The following SVIL variants were observed in gnomAD, a reference collection of about 807,000 sequenced individuals.
SVIL encodes the protein archvillin.
A neutral mutation model predicts 240.4 loss-of-function variants in SVIL; 101 were observed. That is an observed-to-expected ratio of 0.42 (90% CI 0.36 to 0.50). The LOEUF is 0.50. SVIL is among the 20% of genes least tolerant of loss of function. The probability of loss-of-function intolerance (pLI) is 0.01; values close to 1 mark genes in which losing one functional copy is unlikely to be tolerated. For synonymous variants in SVIL, 999 were observed against 1,100.0 expected, an observed-to-expected ratio of 0.91 and a Z score of 1.82; for missense variants, 2,512 against 2,818.7, an observed-to-expected ratio of 0.89 and a Z score of 2.46.
intron 28 of SVIL, among the ~76,000 whole-genome samples, chr10:29,481,136 G>A (rs1946791132): frequency 7.2e-6 from 1 of 139,382 alleles, no homozygotes; most frequent in African/African-American, 2.6e-5. Context: ...CTTTAAGGGT[G>A]TGTGTGTGTG....
intron 10 of SVIL, among the ~76,000 whole-genome samples, 196 bp downstream of exon 10, chr10:29,531,058 C>T (rs1317579308): frequency 6.6e-6 from 1 of 152,214 alleles, no homozygotes; most frequent in Non-Finnish European, 1.5e-5. Flanking sequence ...GATTCTCTAA[C>T]TGCTCTCAAA....
chr10:29,501,312 T>G (rs1948874533), intron 17 of SVIL, among the ~76,000 whole-genome samples: 1 of 151,266 alleles, frequency 6.6e-6, no homozygotes, highest in African/African-American at 2.4e-5. Context: ...CACCATATTG[T>G]GGTTATGCGA....
At chr10:29,504,053 A>G (rs1949092374) in intron 17 of SVIL, among the ~76,000 whole-genome samples, 1 of 152,242 alleles carries the variant, frequency 6.6e-6, no homozygotes, top group Non-Finnish European at 1.5e-5. Flanking sequence ...AAATTTAGTC[A>G]ACGGATCTTT....
intron 1 of SVIL, among the ~76,000 whole-genome samples, chr10:29,728,317 G>C (rs561927641): frequency 6.6e-6 from 1 of 152,172 alleles, no homozygotes; most frequent in Non-Finnish European, 1.5e-5. Flanking sequence ...GTACTGCCAC[G>C]GGCAAGGAAA....
intron 3 of SVIL, among the ~76,000 whole-genome samples, chr10:29,651,278 A>G (rs1333648891): frequency 1.3e-5 from 2 of 152,172 alleles, no homozygotes; most frequent in Non-Finnish European, 2.9e-5. Context: ...GTAAAGATCC[A>G]AGAGCAATTT....
At position 29,677,188 on chromosome 10, in the gene SVIL, C is replaced by T. The variant is rs568493819; in HGVS notation, c.-301+9365G>A. Among the ~76,000 whole-genome samples the T allele has an allele frequency of 2.6e-5, 4 of 152,268 alleles. No individual in the cohort carries two copies. The East Asian group carries it at 7.7e-4, about 29-fold the overall frequency. ...CTCCCCCTTCCCTTTTTGCCTTCAG[C>T]TCAGCAGACACCCTTTGCTGGGAAC... is the stretch of plus-strand genomic sequence containing the variant. On this transcript the variant is annotated intron_variant, in intron 2 of 35. Coordinates refer to the SVIL transcript ENST00000375400.
intron 6 of SVIL, among the ~76,000 whole-genome samples, chr10:29,541,974 T>A (rs1952199980): frequency 6.6e-6 from 1 of 152,176 alleles, no homozygotes; most frequent in African/African-American, 2.4e-5. Context: ...CAAGTGCTGC[T>A]CACAGTGCGT....
chr10:29,544,927 T>C, intron 6 of SVIL: 1 of 518,228 alleles, frequency 1.9e-6, no homozygotes, highest in Non-Finnish European at 3.9e-6. Flanking sequence ...GTGAAGCCAA[T>C]TCCATTCCAG....
At chr10:29,641,980 C>T (rs1958500073) in intron 3 of SVIL, among the ~76,000 whole-genome samples, 2 of 152,216 alleles carry the variant, frequency 1.3e-5, no homozygotes, top group South Asian at 4.1e-4. Flanking sequence ...AACCTCCTAT[C>T]CTCCCTCCCA....
intron 1 of SVIL, among the ~76,000 whole-genome samples, chr10:29,596,225 C>G (rs1288833546): frequency 6.6e-6 from 1 of 152,184 alleles, no homozygotes; most frequent in South Asian, 2.1e-4. Flanking sequence ...ATTCCCAGCC[C>G]TTTGGGAGGC....
At chr10:29,478,943 AAAAAAAAGAAC>A (rs1946519703) in intron 29 of SVIL, among the ~76,000 whole-genome samples, 2 of 150,690 alleles carry the variant, frequency 1.3e-5, no homozygotes, top group Non-Finnish European at 3.0e-5. Context: ...AAAAAAAAAA[AAAAAAAAGAAC>A]AAAAAGAGAG....
At chr10:29,660,984 T>A (rs1318428973) in intron 2 of SVIL, among the ~76,000 whole-genome samples, 3 of 151,984 alleles carry the variant, frequency 2.0e-5, no homozygotes, top group Non-Finnish European at 4.4e-5. Context: ...CTGGCCAACA[T>A]GGTGAAACCC....
At chr10:29,465,063 C>G (rs1944735092) in intron 34 of SVIL, among the ~76,000 whole-genome samples, 1 of 152,200 alleles carries the variant, frequency 6.6e-6, no homozygotes, top group South Asian at 2.1e-4. Flanking sequence ...CCCCAGGCTC[C>G]CTTGCAGCTG....
intron 1 of SVIL, among the ~76,000 whole-genome samples, chr10:29,614,294 A>C (rs1815370): frequency 6.6e-6 from 1 of 151,982 alleles, no homozygotes; most frequent in Non-Finnish European, 1.5e-5. Flanking sequence ...CATTTGACCC[A>C]GCAATCCCAT....
Position 29,513,538 on chromosome 10 carries a change from A to AAAAC in SVIL, c.3390-681_3390-678dup, listed in dbSNP as rs199741082. 4.6e-5 allele frequency among the ~76,000 whole-genome samples: 7 copies of AAAAC among 152,298 alleles called. No individual in the cohort carries two copies. In the South Asian group the frequency reaches 6.2e-4, roughly 14 times the overall value. ...GTGACACAGTGAGACTCTGTCTCAAAAAACAAACAAACAAACAAAAACATA... is the reference window on the plus strand; with the variant it reads ...GTGACACAGTGAGACTCTGTCTCAAAAAACAAACAAACAAACAAACAAAAACATA... On this transcript the variant is annotated intron_variant, in intron 16 of 37. Transcript: ENST00000355867.
chr10:29,618,211 TC>T (rs764911943), intron 1 of SVIL, among the ~76,000 whole-genome samples: 1 of 152,186 alleles, frequency 6.6e-6, no homozygotes, highest in Non-Finnish European at 1.5e-5. Context: ...GCGCCAAAAA[TC>T]CAACAGCTGC....
intron 2 of SVIL, among the ~76,000 whole-genome samples, chr10:29,659,273 T>C (rs138611738): frequency 1.1e-4 from 16 of 152,298 alleles, no homozygotes; most frequent in African/African-American, 3.8e-4. Flanking sequence ...AAGCCCCTCG[T>C]TTATCAGCTG....
intron 6 of SVIL, among the ~76,000 whole-genome samples, chr10:29,550,243 C>T (rs4749453): frequency 0.3 from 44,975 of 150,484 alleles, 7,006 homozygotes; most frequent in African/African-American, 0.39. Flanking sequence ...TTGTGATCAG[C>T]CTGGGCAATG....
Position 29,640,474 on chromosome 10 carries a change from C to A in SVIL, c.-201+17495G>T, listed in dbSNP as rs1159682404. Among the ~76,000 whole-genome samples the A allele has an allele frequency of 4.6e-5, 7 of 152,178 alleles. No individual in the cohort carries two copies. The East Asian group carries it at 1.3e-3, about 29-fold the overall frequency. On this transcript the variant is annotated intron_variant, in intron 3 of 35. Transcript: ENST00000375400. ...TCATCCTACCTTCTCCCAGAGTGAGCTCCGTCTGCCACACCTAAAGCAGAA... is the reference window on the plus strand; with the variant it reads ...TCATCCTACCTTCTCCCAGAGTGAGATCCGTCTGCCACACCTAAAGCAGAA...
Sources: allele counts gnomAD v4.1 joint callset (sites outside exome capture counted in the v4.1 genomes callset), GRCh38; gene constraint gnomAD v4.1.1; transcripts MANE v1.5; gene names NCBI Gene and HGNC (gene_info 2026-07-23, HGNC 2026-07-21).